Variants in KLF12 observed in about 807,000 individuals in gnomAD.
The protein encoded by KLF12 is KLF transcription factor 12, also known as Krueppel-like factor 12.
In KLF12, 9 loss-of-function variants were observed where a neutral mutation model predicts 37.8. The observed-to-expected ratio is 0.24, with a 90% CI of 0.14 to 0.42. KLF12 has a LOEUF of 0.42. Among genes scored for constraint, KLF12 ranks in the 10% least tolerant of loss-of-function variants. The pLI is 1.00. For synonymous variants in KLF12, 208 were observed against 202.1 expected, an observed-to-expected ratio of 1.03 and a Z score of -0.25; for missense variants, 411 against 516.0, an observed-to-expected ratio of 0.80 and a Z score of 1.97.
At position 73,787,156 on chromosome 13, in the gene KLF12, A is replaced by G. The variant is rs114898188; in HGVS notation, c.807-22156T>C. 4.8e-4 allele frequency among the ~76,000 whole-genome samples: 73 copies of G among 152,262 alleles called. 1 individual carries two copies. Among genetic ancestry groups the G allele is most frequent in the African/African-American group, 1.8e-3 (73 of 41,554 alleles). Reference sequence around the variant, plus strand: ...TCTCTCTACTTTTCATTCTTGAAGAACCTAAATTGTAACATCTGTAACAAC... The same window carrying G: ...TCTCTCTACTTTTCATTCTTGAAGAGCCTAAATTGTAACATCTGTAACAAC... On this transcript the variant is annotated intron_variant, in intron 5 of 7. Coordinates refer to ENST00000377669, the MANE Select transcript of KLF12 (RefSeq NM_007249.5).
intron 3 of KLF12, among the ~76,000 whole-genome samples, chr13:73,917,246 T>G (rs1888891191): frequency 6.6e-6 from 1 of 152,158 alleles, no homozygotes. Context: ...TACATAGCAT[T>G]TGTACTAGGA....
chr13:73,854,323 C>T (rs1885493414), intron 3 of KLF12, among the ~76,000 whole-genome samples: 1 of 152,130 alleles, frequency 6.6e-6, no homozygotes, highest in Non-Finnish European at 1.5e-5. Flanking sequence ...GTTTATCATC[C>T]TCGAACAGAT....
chr13:74,133,270 A>G (rs1185734079), intron 1 of KLF12, among the ~76,000 whole-genome samples: 2 of 151,922 alleles, frequency 1.3e-5, no homozygotes, highest in Non-Finnish European at 2.9e-5. Context: ...GTGCGGAGCT[A>G]TTCATCCACC....
At chr13:74,163,712 A>G in the KLF12 span, among the ~76,000 whole-genome samples, 3 of 152,092 alleles carry the variant, frequency 2.0e-5, no homozygotes, top group East Asian at 3.8e-4. Flanking sequence ...TTTCAAAATA[A>G]CTTAAAGAAT....
At chr13:73,750,855 T>C (rs1566341336) in intron 6 of KLF12, among the ~76,000 whole-genome samples, 1 of 152,160 alleles carries the variant, frequency 6.6e-6, no homozygotes, top group Non-Finnish European at 1.5e-5. Context: ...ATGTAACAAG[T>C]TCAGTGTGGC....
chr13:74,277,619 A>T, the KLF12 span, among the ~76,000 whole-genome samples: 1 of 152,222 alleles, frequency 6.6e-6, no homozygotes, highest in Non-Finnish European at 1.5e-5. Context: ...GTAATCATAA[A>T]GCAATTATAG....
chr13:74,034,639 G>C (rs571635878), intron 1 of KLF12, among the ~76,000 whole-genome samples: 59 of 152,270 alleles, frequency 3.9e-4, no homozygotes, highest in African/African-American at 1.4e-3. Flanking sequence ...GATTTACAAA[G>C]ATATTCACTT....
At chr13:74,278,908 TG>T in the KLF12 span, among the ~76,000 whole-genome samples, 2 of 152,212 alleles carry the variant, frequency 1.3e-5, no homozygotes, top group Admixed American at 6.5e-5. Flanking sequence ...GTTGATTCTC[TG>T]GCTCCTCTTA....
intron 5 of KLF12, among the ~76,000 whole-genome samples, chr13:73,789,359 ATTTTTGGGAC>A (rs1001038376): frequency 6.6e-6 from 1 of 152,162 alleles, no homozygotes; most frequent in African/African-American, 2.4e-5. Context: ...CACCCTAAGG[ATTTTTGGGAC>A]TTGTTGGGTG....
intron 6 of KLF12, among the ~76,000 whole-genome samples, chr13:73,717,342 T>C (rs892064025): frequency 2.6e-5 from 4 of 152,222 alleles, no homozygotes; most frequent in African/African-American, 9.6e-5. Flanking sequence ...CAGTGGGCTG[T>C]ATTCTGTCCT....
At chr13:74,294,458 C>T in the KLF12 span, among the ~76,000 whole-genome samples, 3 of 151,724 alleles carry the variant, frequency 2.0e-5, no homozygotes, top group African/African-American at 7.3e-5. Context: ...AACCTCTGCC[C>T]CCTGGGTTCA....
At chr13:74,051,421 G>C (rs1262679306) in intron 1 of KLF12, among the ~76,000 whole-genome samples, 1 of 151,186 alleles carries the variant, frequency 6.6e-6, no homozygotes. Context: ...TGCACATTTA[G>C]GGACATATTT....
chr13:73,952,751 T>G (rs1224682814), intron 2 of KLF12, among the ~76,000 whole-genome samples: 2 of 152,170 alleles, frequency 1.3e-5, no homozygotes, highest in African/African-American at 4.8e-5. Context: ...TGACGAGTCA[T>G]GAAGGCTTAT....
intron 5 of KLF12, among the ~76,000 whole-genome samples, chr13:73,806,348 G>A (rs1023983157): frequency 2.6e-5 from 4 of 151,928 alleles, no homozygotes; most frequent in Non-Finnish European, 5.9e-5. Context: ...AGATCCACCC[G>A]CCTCGGCCTC....
the KLF12 span, among the ~76,000 whole-genome samples, chr13:74,240,365 C>G: frequency 9.2e-6 from 1 of 108,362 alleles, no homozygotes; most frequent in Non-Finnish European, 1.8e-5. Context: ...TTCTCTCTGG[C>G]TGCCCTTAAC....
rs1555336632 is a variant in KLF12 at position 74,060,492 on chromosome 13, G to GTGTGTGTGTGTGTC, written c.-31-65440_-31-65439insGACACACACACACA. ...AAATGTATACCTAGGTTTTGTGTGT[G>GTGTGTGTGTGTGTC]TGTGTGTGTGTGTGTGTGTGTGTGT... On this transcript the variant is annotated intron_variant, in intron 1 of 7. Transcript: ENST00000377669. Among the ~76,000 whole-genome samples, 23 of 103,234 alleles carry GTGTGTGTGTGTGTC rather than the reference G, an allele frequency of 2.2e-4. 1 individual carries two copies. Among genetic ancestry groups the GTGTGTGTGTGTGTC allele is most frequent in the African/African-American group, 7.5e-4 (23 of 30,676 alleles). 67.7% of individuals were successfully genotyped at this position (103,234 alleles called of 152,430 possible).
At chr13:74,157,262 T>C in the KLF12 span, among the ~76,000 whole-genome samples, 1 of 152,230 alleles carries the variant, frequency 6.6e-6, no homozygotes, top group South Asian at 2.1e-4. Context: ...TGTATTTTTA[T>C]TTTTTCCAAG....
intron 1 of KLF12, among the ~76,000 whole-genome samples, chr13:74,039,175 C>A (rs1432777139): frequency 6.6e-6 from 1 of 151,950 alleles, no homozygotes; most frequent in Non-Finnish European, 1.5e-5. Context: ...AGTCTCTCTG[C>A]CAAGTTGGTC....
rs376291729 is a variant in KLF12 at position 74,106,583 on chromosome 13, T to G, written c.-32+27156A>C. Among the ~76,000 whole-genome samples the G allele has an allele frequency of 2.0e-4, 30 of 152,288 alleles. No individual in the cohort carries two copies. In the South Asian group the frequency reaches 4.4e-3, roughly 22 times the overall value. On this transcript the variant is annotated intron_variant, in intron 1 of 7. Transcript: ENST00000377669. ...TCTGGAGATAAAAATCAGTGCATAC[T>G]TAAAACAACTGTGTTCACAGGAATT...
Sources: allele counts gnomAD v4.1 joint callset (sites outside exome capture counted in the v4.1 genomes callset), GRCh38; gene constraint gnomAD v4.1.1; transcripts MANE v1.5; gene names NCBI Gene and HGNC (gene_info 2026-07-23, HGNC 2026-07-21).